Variants in BLOC1S5 observed in about 807,000 individuals in gnomAD.
The protein encoded by BLOC1S5 is biogenesis of lysosomal organelles complex 1 subunit 5, also known as biogenesis of lysosome-related organelles complex 1 subunit 5.
A neutral mutation model predicts 24.3 loss-of-function variants in BLOC1S5; 27 were observed. The ratio of observed to expected loss-of-function variants is 1.11; its 90% CI spans 0.82 to 1.53. BLOC1S5 has a LOEUF of 1.53. BLOC1S5 is among the 40% of genes most tolerant of loss of function. The pLI is 0.00. For synonymous variants in BLOC1S5, 84 were observed against 74.5 expected (o/e 1.13, Z -0.66); for missense variants, 239 against 229.4 (o/e 1.04, Z -0.27).
chr6:8,058,357 GAAAAAA>G (rs60827828), intron 2 of BLOC1S5, among the ~76,000 whole-genome samples: 2 of 84,586 alleles, frequency 2.4e-5, no homozygotes, highest in South Asian at 6.2e-4. Context: ...CTGTCTCTAT[GAAAAAA>G]AAAAAAAAAA....
intron 4 of BLOC1S5, among the ~76,000 whole-genome samples, chr6:8,016,208 T>A (rs11243220): frequency 6.6e-6 from 1 of 151,772 alleles, no homozygotes; most frequent in Non-Finnish European, 1.5e-5. Flanking sequence ...TGGCTGTAGT[T>A]CCAGCTACTC....
chr6:8,058,396 C>T (rs13213263), intron 2 of BLOC1S5, among the ~76,000 whole-genome samples: 48,382 of 138,514 alleles, frequency 0.35, 10,032 homozygotes, highest in East Asian at 0.59. Flanking sequence ...AAAAAATAGC[C>T]GGCCATGGCA....
chr6:8,021,961 G>A (rs1762928827), intron 4 of BLOC1S5, among the ~76,000 whole-genome samples: 1 of 152,040 alleles, frequency 6.6e-6, no homozygotes, highest in Admixed American at 6.6e-5. Flanking sequence ...AACAGAGAAA[G>A]AAATAATAAA....
At chr6:8,064,223 G>A (rs746526261) in intron 1 of BLOC1S5, 42 bp downstream of exon 1, 1 of 1,546,302 alleles carries the variant, frequency 6.5e-7, no homozygotes, top group Admixed American at 1.9e-5. Context: ...AGATGAGGCT[G>A]TGCTGGGATC....
At chr6:8,046,017 A>C (rs2113574639) in intron 2 of BLOC1S5, among the ~76,000 whole-genome samples, 1 of 152,240 alleles carries the variant, frequency 6.6e-6, no homozygotes, top group African/African-American at 2.4e-5. Flanking sequence ...CAAAGGTGGA[A>C]TTATATGGTT....
chr6:8,028,396 G>T (rs1739783130), intron 3 of BLOC1S5, among the ~76,000 whole-genome samples: 1 of 149,742 alleles, frequency 6.7e-6, no homozygotes, highest in South Asian at 2.1e-4. Context: ...GATTAGCTCT[G>T]CCTTCTTTCT....
At chr6:8,056,777 GA>G (rs1235806544) in intron 2 of BLOC1S5, among the ~76,000 whole-genome samples, 9 of 152,154 alleles carry the variant, frequency 5.9e-5, no homozygotes, top group Non-Finnish European at 1.0e-4. Flanking sequence ...TTTTTCTGGG[GA>G]AAAAAATTCT....
intron 2 of BLOC1S5, among the ~76,000 whole-genome samples, chr6:8,056,408 T>G (rs1764307673): frequency 6.6e-6 from 1 of 152,300 alleles, no homozygotes; most frequent in Non-Finnish European, 1.5e-5. Flanking sequence ...TTGCCTGGTT[T>G]TATTACAGAT....
chr6:8,015,582 T>G lies in BLOC1S5; in HGVS notation c.*67A>C, dbSNP rs1192695766. ...TTGAAGCAGAGGCTAAACGGTCTGGTGGGAATAGTTTTCAGGAGAGAGGTG... is the reference window on the plus strand; with the variant it reads ...TTGAAGCAGAGGCTAAACGGTCTGGGGGGAATAGTTTTCAGGAGAGAGGTG... On this transcript the variant is annotated 3_prime_UTR_variant, in exon 5 of 5. Transcript: ENST00000397457. The G allele has an allele frequency of 1.3e-6, 2 of 1,488,548 alleles. No homozygotes were observed. Among genetic ancestry groups the G allele is most frequent in the African/African-American group, 2.8e-5 (2 of 71,604 alleles). 92.2% of individuals were successfully genotyped at this position (1,488,548 alleles called of 1,614,324 possible).
chr6:8,052,590 G>T (rs1261585580), intron 2 of BLOC1S5, among the ~76,000 whole-genome samples: 1 of 151,528 alleles, frequency 6.6e-6, no homozygotes, highest in East Asian at 1.9e-4. Flanking sequence ...AAAACAACTA[G>T]AATTAGAAGT....
At chr6:8,044,401 G>A (rs1294646989) in intron 2 of BLOC1S5, among the ~76,000 whole-genome samples, 1 of 151,882 alleles carries the variant, frequency 6.6e-6, no homozygotes, top group Non-Finnish European at 1.5e-5. Flanking sequence ...TCCAGTCTTG[G>A]GTATGTCTTT....
At chr6:8,046,556 A>T (rs1277799180) in intron 2 of BLOC1S5, among the ~76,000 whole-genome samples, 1 of 152,032 alleles carries the variant, frequency 6.6e-6, no homozygotes, top group Non-Finnish European at 1.5e-5. Flanking sequence ...ACTTTTTCTA[A>T]TTTTCCCATA....
At chr6:8,017,259 A>C (rs1561852301) in intron 4 of BLOC1S5, among the ~76,000 whole-genome samples, 1 of 152,154 alleles carries the variant, frequency 6.6e-6, no homozygotes, top group Non-Finnish European at 1.5e-5. Flanking sequence ...AAAAACTGGG[A>C]TATGCAAACT....
At chr6:8,023,688 T>A (rs1424349651) in intron 4 of BLOC1S5, among the ~76,000 whole-genome samples, 1 of 152,230 alleles carries the variant, frequency 6.6e-6, no homozygotes, top group Non-Finnish European at 1.5e-5. Context: ...ACAAAATGTA[T>A]GCAATAGTAT....
intron 3 of BLOC1S5, among the ~76,000 whole-genome samples, chr6:8,036,863 G>A (rs942659697): frequency 1.3e-5 from 2 of 152,154 alleles, no homozygotes; most frequent in Non-Finnish European, 2.9e-5. Flanking sequence ...TGGCAGGATG[G>A]TTCAACATAT....
intron 2 of BLOC1S5, among the ~76,000 whole-genome samples, chr6:8,046,136 C>T (rs1297576603): frequency 6.6e-6 from 1 of 152,162 alleles, no homozygotes; most frequent in African/African-American, 2.4e-5. Context: ...CAGTCTTTCC[C>T]ATACTATTCT....
intron 3 of BLOC1S5, among the ~76,000 whole-genome samples, chr6:8,030,864 T>TAAAAAAAAAA (rs1763271641): frequency 2.2e-5 from 1 of 46,346 alleles, no homozygotes; most frequent in African/African-American, 6.4e-5. Flanking sequence ...AGACCAACAG[T>TAAAAAAAAAA]CAAAAAAAAA....
chr6:8,034,684 T>C (rs768223388), intron 3 of BLOC1S5, among the ~76,000 whole-genome samples: 25 of 152,154 alleles, frequency 1.6e-4, no homozygotes, highest in Non-Finnish European at 3.2e-4. Context: ...GCTTTTACAC[T>C]GCTGGTGGGA....
At chr6:8,031,751 G>A (rs1763306716) in intron 3 of BLOC1S5, among the ~76,000 whole-genome samples, 1 of 152,086 alleles carries the variant, frequency 6.6e-6, no homozygotes, top group South Asian at 2.1e-4. Context: ...AAACAGCATG[G>A]AACTGGCATA....
Sources: gnomAD v4.1 joint callset for allele counts (sites outside exome capture counted in the v4.1 genomes callset) on GRCh38, gnomAD v4.1.1 for gene constraint, MANE v1.5 for transcripts, NCBI Gene and HGNC (gene_info 2026-07-23, HGNC 2026-07-21) for gene names.